Variants in SEPTIN6 observed in about 807,000 individuals in gnomAD.
SEPTIN6 encodes septin-6.
SEPTIN6 carries 8 observed loss-of-function variants against 33.6 expected under a neutral mutation model. The ratio of observed to expected loss-of-function variants is 0.24; its 90% CI spans 0.14 to 0.43. SEPTIN6 has a LOEUF of 0.43. SEPTIN6 is among the 20% of genes least tolerant of loss of function. SEPTIN6 has a pLI of 1.00. For missense variants in SEPTIN6, 250 were observed against 340.8 expected (o/e 0.73, Z 2.10); for synonymous variants, 131 against 140.0 (o/e 0.94, Z 0.45).
chrX:119,639,419 A>G (rs1418494458), intron 6 of SEPTIN6, among the ~76,000 whole-genome samples: 1 of 112,464 alleles, frequency 8.9e-6, no homozygotes, highest in Non-Finnish European at 1.9e-5. Context: ...GTAAGTTAAC[A>G]TATGTCAGGC....
chrX:119,680,054 T>TA (rs1418342839), intron 1 of SEPTIN6, among the ~76,000 whole-genome samples: 1 of 110,623 alleles, frequency 9.0e-6, no homozygotes, highest in Non-Finnish European at 1.9e-5. Flanking sequence ...TAGCTGTTAC[T>TA]AAAAAAATTA....
chrX:119,653,998 G>A (rs1233173237), intron 3 of SEPTIN6, among the ~76,000 whole-genome samples: 2 of 111,503 alleles, frequency 1.8e-5, no homozygotes, highest in Non-Finnish European at 3.8e-5. Context: ...GAACCCGGAA[G>A]GCAGAGGTTG....
chrX:119,618,964 A>C lies in SEPTIN6; in HGVS notation c.*1129T>G. The C allele has an allele frequency of 3.1e-6, 3 of 980,701 alleles. No individual in the cohort carries two copies. Among genetic ancestry groups the C allele is most frequent in the Non-Finnish European group, 3.9e-6 (3 of 775,234 alleles). The allele number at this position is 980,701 out of a possible 1,213,427, so 80.8% of individuals were successfully genotyped here. On this transcript the variant is annotated 3_prime_UTR_variant, in exon 11 of 11. Transcript: ENST00000394610. Reference sequence around the variant, plus strand: ...CCACTATCAGATGGGACCCATGATAAAAACTTAGGGCTGGAATATTTTTAA... The same window carrying C: ...CCACTATCAGATGGGACCCATGATACAAACTTAGGGCTGGAATATTTTTAA...
rs752144549 is a variant in SEPTIN6 at position 119,620,476 on chromosome X, A to G, written c.*42-425T>C. On this transcript the variant is annotated intron_variant, in intron 10 of 10. Transcript: ENST00000394610. ...TGGGACTACAGGAGCCCGCCGCCAC[A>G]CCCGGCTAATTTTTTTGTATTTTTA... is the stretch of plus-strand genomic sequence containing the variant. Among the ~76,000 whole-genome samples the G allele has an allele frequency of 3.4e-4, 37 of 107,609 alleles. 1 individual carries two copies. The highest frequency in any genetic ancestry group is 2.5e-3 in the South Asian group (6 of 2,394). 93.4% of individuals were successfully genotyped at this position (107,609 alleles called of 115,157 possible).
chrX:119,643,446 C>A (rs897593196), intron 5 of SEPTIN6, among the ~76,000 whole-genome samples: 49 of 110,041 alleles, frequency 4.5e-4, no homozygotes, highest in African/African-American at 1.6e-3. Flanking sequence ...TGTCAGTATT[C>A]CCTCGGGCCT....
intron 4 of SEPTIN6, among the ~76,000 whole-genome samples, chrX:119,651,222 A>G (rs775143715): frequency 7.1e-5 from 8 of 111,970 alleles, no homozygotes; most frequent in African/African-American, 2.6e-4. Flanking sequence ...CTGAAGGCTG[A>G]TATCACACAG....
At chrX:119,637,654 T>TATCCATCTATCC (rs2054090151) in intron 6 of SEPTIN6, among the ~76,000 whole-genome samples, 1 of 91,859 alleles carries the variant, frequency 1.1e-5, no homozygotes, top group Non-Finnish European at 2.2e-5. Context: ...TCCATCTATC[T>TATCCATCTATCC]ATCCATCCAT....
chrX:119,651,088 T>G (rs2107899), intron 4 of SEPTIN6, among the ~76,000 whole-genome samples: 17,127 of 103,590 alleles, frequency 0.17, 1,222 homozygotes, highest in Admixed American at 0.29. Flanking sequence ...GCCAGTAGAC[T>G]CCAACGGGGG....
intron 5 of SEPTIN6, among the ~76,000 whole-genome samples, chrX:119,641,668 T>C (rs12389896): frequency 9.0e-6 from 1 of 110,786 alleles, no homozygotes; most frequent in Non-Finnish European, 1.9e-5. Context: ...CCTGGCTTTA[T>C]GGATGAGAGA....
At chrX:119,627,687 A>G (rs909893540) in intron 9 of SEPTIN6, among the ~76,000 whole-genome samples, 4 of 109,540 alleles carry the variant, frequency 3.7e-5, no homozygotes, top group Admixed American at 3.0e-4. Flanking sequence ...GACTACGGCC[A>G]TGGAGAGGTG....
chrX:119,640,168 C>CCCCCCCTT (rs2054133271), intron 6 of SEPTIN6, among the ~76,000 whole-genome samples: 1 of 20,180 alleles, frequency 5.0e-5, no homozygotes, highest in Admixed American at 6.1e-4. Context: ...ACTATCCAGT[C>CCCCCCCTT]TTTTTTTTTT....
At chrX:119,634,368 CAAA>C (rs1329538429) in intron 7 of SEPTIN6, among the ~76,000 whole-genome samples, 1 of 33,512 alleles carries the variant, frequency 3.0e-5, no homozygotes. Flanking sequence ...GACTCCATCT[CAAA>C]AAAAAAAAAA....
rs1382009114 is a variant in SEPTIN6, at chrX:119,633,458, A to C, written c.991T>G (p.Phe331Val). 1.7e-6 allele frequency: 2 copies of C among 1,206,618 alleles called. No homozygotes were observed. The highest frequency in any genetic ancestry group is 2.2e-5 in the Admixed American group (1 of 45,631). The change falls in exon 8 of 11, where the codon TTC becomes GTC. Residue 331 changes from phenylalanine (F) to valine (V), a missense_variant. Transcript: ENST00000394610. Reference sequence around the variant, plus strand: ...TCTTTTTTCTGGAGTTCCCCTAGGAACTCGTTCCTTTTGGCCTCATATGTC... The same window carrying C: ...TCTTTTTTCTGGAGTTCCCCTAGGACCTCGTTCCTTTTGGCCTCATATGTC... ...QETYEAKRNE[F>V]LGELQKKEEE...
At chrX:119,636,420 T>G (rs1268383938) in intron 7 of SEPTIN6, among the ~76,000 whole-genome samples, 1 of 111,836 alleles carries the variant, frequency 8.9e-6, no homozygotes, top group African/African-American at 3.3e-5. Context: ...CTAAAAGCAT[T>G]CTGATTTAAG....
chrX:119,644,907 A>ATT (rs567544320), intron 5 of SEPTIN6, among the ~76,000 whole-genome samples: 3 of 96,085 alleles, frequency 3.1e-5, no homozygotes, highest in Admixed American at 1.1e-4. Context: ...GCCCAATCAC[A>ATT]TTTTTTTTTT....
intron 1 of SEPTIN6, among the ~76,000 whole-genome samples, chrX:119,684,979 G>C (rs1408423972): frequency 8.9e-6 from 1 of 111,885 alleles, no homozygotes; most frequent in Non-Finnish European, 1.9e-5. Flanking sequence ...CACCCCCAAG[G>C]GGCCTCAGAA....
intron 10 of SEPTIN6, among the ~76,000 whole-genome samples, chrX:119,622,288 A>G (rs766012214): frequency 9.0e-6 from 1 of 111,715 alleles, no homozygotes; most frequent in South Asian, 3.8e-4. Flanking sequence ...GGGGTCACAA[A>G]GGAATCGCTT....
intron 1 of SEPTIN6, among the ~76,000 whole-genome samples, chrX:119,688,496 C>T (rs2055096625): frequency 9.0e-6 from 1 of 110,885 alleles, no homozygotes; most frequent in Non-Finnish European, 1.9e-5. Flanking sequence ...ATCACGAGGT[C>T]AGGAGTTCGA....
chrX:119,675,715 A>T, intron 1 of SEPTIN6, 47 bp from the exon 2 acceptor site: 1 of 765,729 alleles, frequency 1.3e-6, no homozygotes, highest in Non-Finnish European at 1.8e-6. Context: ...GCTTAAAAGC[A>T]GTCTGGGTCT....
Sources: gnomAD v4.1 joint callset for allele counts (sites outside exome capture counted in the v4.1 genomes callset) on GRCh38, gnomAD v4.1.1 for gene constraint, MANE v1.5 for transcripts, NCBI Gene and HGNC (gene_info 2026-07-23, HGNC 2026-07-21) for gene names.